The following GALNT14 variants were observed in gnomAD, a reference collection of about 807,000 sequenced individuals.
GALNT14 encodes polypeptide N-acetylgalactosaminyltransferase 14, also known as UDP-GalNAc:polypeptide N-acetylgalactosaminyltransferase 14.
Under a neutral mutation model 77.5 loss-of-function variants are expected in GALNT14, and 60 were observed. The ratio of observed to expected loss-of-function variants is 0.77; its 90% CI spans 0.63 to 0.96. GALNT14 has a LOEUF of 0.96. GALNT14 is among the 40% of genes least tolerant of loss of function. The pLI, the probability that GALNT14 is intolerant of heterozygous loss-of-function variation, is 0.00. For missense variants in GALNT14, 710 were observed against 731.0 expected, an observed-to-expected ratio of 0.97 and a Z score of 0.33; for synonymous variants, 280 against 281.7, an observed-to-expected ratio of 0.99 and a Z score of 0.06.
chr2:31,017,657 C>T (rs1245524659), intron 1 of GALNT14, among the ~76,000 whole-genome samples: 1 of 152,070 alleles, frequency 6.6e-6, no homozygotes, highest in African/African-American at 2.4e-5. Context: ...TAGCCTCTGC[C>T]CAAATCTTGC....
intron 1 of GALNT14, among the ~76,000 whole-genome samples, chr2:31,077,317 A>C (rs1030870094): frequency 1.3e-5 from 2 of 152,196 alleles, no homozygotes; most frequent in African/African-American, 4.8e-5. Context: ...TTTTACCTAC[A>C]TTCCTCAAGG....
intron 1 of GALNT14, among the ~76,000 whole-genome samples, chr2:31,014,822 C>T (rs1420035185): frequency 2.0e-5 from 3 of 152,154 alleles, no homozygotes; most frequent in African/African-American, 7.2e-5. Flanking sequence ...TGTACCCTTA[C>T]ACCAGTCTTT....
At chr2:30,886,877 G>A in the GALNT14 span, among the ~76,000 whole-genome samples, 1 of 152,140 alleles carries the variant, frequency 6.6e-6, no homozygotes, top group Admixed American at 6.5e-5. Context: ...CACCCCCAGA[G>A]AAAACCCTGT....
At chr2:30,989,571 TATATATATATAAAA>T (rs1669530917) in intron 2 of GALNT14, among the ~76,000 whole-genome samples, 1 of 127,306 alleles carries the variant, frequency 7.9e-6, no homozygotes, top group African/African-American at 3.5e-5. Context: ...TATATATATA[TATATATATATAAAA>T]ATATATATAT....
chr2:31,090,412 A>G (rs1676667628), intron 1 of GALNT14, among the ~76,000 whole-genome samples: 1 of 146,438 alleles, frequency 6.8e-6, no homozygotes, highest in African/African-American at 2.5e-5. Flanking sequence ...CAGCACAGGT[A>G]GGCAGCGCAT....
chr2:31,128,506 A>G (rs2148648006), intron 1 of GALNT14, among the ~76,000 whole-genome samples: 1 of 152,344 alleles, frequency 6.6e-6, no homozygotes, highest in Non-Finnish European at 1.5e-5. Flanking sequence ...CCTATAGTTT[A>G]AGGACCACAT....
intron 13 of GALNT14, among the ~76,000 whole-genome samples, chr2:30,912,589 T>C (rs767784204): frequency 5.3e-5 from 8 of 152,264 alleles, no homozygotes; most frequent in Non-Finnish European, 1.2e-4. Context: ...AGGCTGCCTC[T>C]GGGAGTCCTG....
At chr2:31,086,171 T>C (rs1310708528) in intron 1 of GALNT14, among the ~76,000 whole-genome samples, 1 of 152,148 alleles carries the variant, frequency 6.6e-6, no homozygotes, top group Non-Finnish European at 1.5e-5. Flanking sequence ...CTTCACTACA[T>C]CCTAGGACCT....
At chr2:31,035,569 A>G (rs67726717) in intron 1 of GALNT14, among the ~76,000 whole-genome samples, 55,802 of 127,452 alleles carry the variant, frequency 0.44, 11,930 homozygotes, top group African/African-American at 0.54. Flanking sequence ...GTGTGTGTGT[A>G]TGTGTGTGTG....
chr2:30,964,721 C>T (rs1363511564), intron 3 of GALNT14, among the ~76,000 whole-genome samples: 2 of 152,164 alleles, frequency 1.3e-5, no homozygotes, highest in Non-Finnish European at 2.9e-5. Flanking sequence ...AACTGTGTGT[C>T]TGGGCAGGTC....
At chr2:30,902,101 G>A in the GALNT14 span, among the ~76,000 whole-genome samples, 2 of 152,156 alleles carry the variant, frequency 1.3e-5, no homozygotes, top group Non-Finnish European at 2.9e-5. Flanking sequence ...AGACAGCCAG[G>A]GAAAGCTTGG....
At chr2:31,006,474 G>A (rs1670680641) in intron 1 of GALNT14, among the ~76,000 whole-genome samples, 3 of 152,144 alleles carry the variant, frequency 2.0e-5, no homozygotes, top group South Asian at 2.1e-4. Flanking sequence ...AGAGGAAACC[G>A]AGTTTCATGG....
Position 31,098,047 on chromosome 2 carries a change from C to T in GALNT14, c.129+39911G>A, listed in dbSNP as rs139381652. Among the ~76,000 whole-genome samples, 13 of 152,288 alleles carry T rather than the reference C, an allele frequency of 8.5e-5. No homozygotes were observed. The East Asian group carries it at 2.5e-3, about 29-fold the overall frequency. ...CTCAAATTTACATTATAATTGGGAA[C>T]TGAGTAATCTCAAGCTGGCCTCAAT... On this transcript the variant is annotated intron_variant, in intron 1 of 14. Coordinates refer to ENST00000349752, the MANE Select transcript of GALNT14 (RefSeq NM_024572.4).
chr2:31,088,375 T>C (rs1240270342), intron 1 of GALNT14, among the ~76,000 whole-genome samples: 1 of 152,190 alleles, frequency 6.6e-6, no homozygotes, highest in African/African-American at 2.4e-5. Flanking sequence ...CCCATCTCAC[T>C]GATGTTAAGT....
intron 1 of GALNT14, among the ~76,000 whole-genome samples, chr2:31,095,393 C>T (rs114522100): frequency 0.017 from 2,522 of 152,192 alleles, 77 homozygotes; most frequent in African/African-American, 0.056. Context: ...TTTTTTCCCA[C>T]TCAGTAATAA....
intron 9 of GALNT14, among the ~76,000 whole-genome samples, chr2:30,939,580 T>C (rs1032427101): frequency 2.0e-5 from 3 of 148,908 alleles, no homozygotes; most frequent in East Asian, 2.0e-4. Context: ...CCGGAAGGGG[T>C]GGGGAGGTTT....
chr2:30,903,091 A>G, the GALNT14 span, among the ~76,000 whole-genome samples: 3 of 152,218 alleles, frequency 2.0e-5, no homozygotes, highest in African/African-American at 7.2e-5. Flanking sequence ...AGGAGGCCAC[A>G]AGAGCATTGC....
At chr2:31,050,673 G>A (rs1222362826) in intron 1 of GALNT14, among the ~76,000 whole-genome samples, 1 of 151,974 alleles carries the variant, frequency 6.6e-6, no homozygotes, top group Non-Finnish European at 1.5e-5. Flanking sequence ...AACCTAAGAT[G>A]ACAACGTCAG....
At chr2:31,107,595 C>T (rs1265313248) in intron 1 of GALNT14, among the ~76,000 whole-genome samples, 1 of 152,206 alleles carries the variant, frequency 6.6e-6, no homozygotes, top group East Asian at 1.9e-4. Context: ...ACAGCAGCCA[C>T]ATTATACAGG....
Sources: gnomAD v4.1 joint callset for allele counts (sites outside exome capture counted in the v4.1 genomes callset) on GRCh38, gnomAD v4.1.1 for gene constraint, MANE v1.5 for transcripts, NCBI Gene and HGNC (gene_info 2026-07-23, HGNC 2026-07-21) for gene names.